Variants in PRKCE observed in about 807,000 individuals in gnomAD.
PRKCE encodes the protein protein kinase C epsilon.
PRKCE carries 16 observed loss-of-function variants against 85.4 expected under a neutral mutation model. That is an observed-to-expected ratio of 0.19 (90% CI 0.13 to 0.28). The LOEUF (loss-of-function observed/expected upper bound fraction) is 0.28. Among genes scored for constraint, PRKCE ranks in the 10% least tolerant of loss-of-function variants. The pLI, the probability that PRKCE is intolerant of heterozygous loss-of-function variation, is 1.00. For missense variants in PRKCE, 573 were observed against 975.2 expected (o/e 0.59, Z 5.49); for synonymous variants, 388 against 371.5 (o/e 1.04, Z -0.51).
At chr2:45,753,016 T>C (rs548655389) in intron 1 of PRKCE, among the ~76,000 whole-genome samples, 40 of 152,242 alleles carry the variant, frequency 2.6e-4, no homozygotes, top group Admixed American at 5.9e-4. Context: ...TCATGGAGAC[T>C]GTATTGTTTT....
chr2:46,025,858 C>A (rs1259987506), intron 10 of PRKCE, among the ~76,000 whole-genome samples: 1 of 152,040 alleles, frequency 6.6e-6, no homozygotes, highest in Non-Finnish European at 1.5e-5. Context: ...GTGTTGATCT[C>A]TGCTGCTTTA....
intron 13 of PRKCE, among the ~76,000 whole-genome samples, chr2:46,152,840 C>G (rs950761855): frequency 5.3e-5 from 8 of 152,218 alleles, no homozygotes; most frequent in Non-Finnish European, 1.0e-4. Flanking sequence ...AGCCACTACA[C>G]CCTACCTAAT....
intron 2 of PRKCE, among the ~76,000 whole-genome samples, chr2:45,849,404 C>T: frequency 6.6e-6 from 1 of 152,144 alleles, no homozygotes; most frequent in Non-Finnish European, 1.5e-5. Flanking sequence ...CCATAGCAAT[C>T]CTTCTGCCAT....
In PRKCE at chr2:45,742,985, C is replaced by T. The variant is rs539893931; in HGVS notation, c.348+90537C>T. Among the ~76,000 whole-genome samples, 68 of 152,208 alleles carry T rather than the reference C, an allele frequency of 4.5e-4. 1 individual carries two copies. The highest frequency in any genetic ancestry group is 1.5e-3 in the African/African-American group (63 of 41,536). ...CCATTTGCAACAACATGGCTGAACC[C>T]TGAGGATATTAGGCTAAATGAAATA... is the stretch of plus-strand genomic sequence containing the variant. On this transcript the variant is annotated intron_variant, in intron 1 of 14. Coordinates refer to ENST00000306156, the MANE Select transcript of PRKCE (RefSeq NM_005400.3).
chr2:46,111,757 C>T (rs1574497809), intron 11 of PRKCE, among the ~76,000 whole-genome samples: 1 of 152,180 alleles, frequency 6.6e-6, no homozygotes, highest in South Asian at 2.1e-4. Context: ...GTTGTTTCCA[C>T]CTGCTGCTGT....
chr2:45,934,728 C>T (rs182481731), intron 2 of PRKCE, among the ~76,000 whole-genome samples: 267 of 151,770 alleles, frequency 1.8e-3, no homozygotes, highest in Admixed American at 2.9e-3. Context: ...CATTACTTCA[C>T]AAGTATCTTT....
intron 2 of PRKCE, among the ~76,000 whole-genome samples, chr2:45,851,329 T>A (rs987204858): frequency 6.6e-6 from 1 of 152,246 alleles, no homozygotes; most frequent in Non-Finnish European, 1.5e-5. Context: ...CTATGGCTGT[T>A]AGGCACTTTC....
chr2:45,655,645 G>T (rs1341116193), intron 1 of PRKCE, among the ~76,000 whole-genome samples: 1 of 152,084 alleles, frequency 6.6e-6, no homozygotes, highest in Non-Finnish European at 1.5e-5. Flanking sequence ...AGGCAACGTA[G>T]TAAGACTCCA....
chr2:46,113,681 G>A (rs1054670378), intron 11 of PRKCE, among the ~76,000 whole-genome samples: 6 of 152,194 alleles, frequency 3.9e-5, no homozygotes, highest in Admixed American at 2.6e-4. Flanking sequence ...GTGGGAAGGG[G>A]GATGTGCTAC....
intron 2 of PRKCE, among the ~76,000 whole-genome samples, chr2:45,894,129 GTTCAA>G (rs1376034543): frequency 6.6e-6 from 1 of 152,122 alleles, no homozygotes; most frequent in Non-Finnish European, 1.5e-5. Flanking sequence ...CACATTAGGT[GTTCAA>G]TAGTGCATGT....
intron 2 of PRKCE, among the ~76,000 whole-genome samples, chr2:45,886,016 C>A (rs1175977511): frequency 6.6e-6 from 1 of 152,208 alleles, no homozygotes; most frequent in African/African-American, 2.4e-5. Context: ...CCACTGAACT[C>A]CCTGGTCAGT....
At chr2:45,848,537 C>T (rs930810988) in intron 2 of PRKCE, among the ~76,000 whole-genome samples, 4 of 152,124 alleles carry the variant, frequency 2.6e-5, no homozygotes, top group Non-Finnish European at 5.9e-5. Context: ...TCTCGAACTC[C>T]TGACTTCATG....
intron 1 of PRKCE, among the ~76,000 whole-genome samples, chr2:45,820,104 T>A (rs370826670): frequency 2.6e-5 from 4 of 152,236 alleles, no homozygotes; most frequent in East Asian, 3.9e-4. Context: ...AAGGGGCGAA[T>A]CCTCAATGGG....
Position 46,156,059 on chromosome 2 carries a change from G to GAA in PRKCE, c.1921-3533_1921-3532dup, listed in dbSNP as rs35235256. Among the ~76,000 whole-genome samples the GAA allele has an allele frequency of 8.1e-4, 112 of 138,600 alleles. 1 individual carries two copies. Among genetic ancestry groups the GAA allele is most frequent in the African/African-American group, 2.6e-3 (97 of 37,372 alleles). 90.9% of individuals were successfully genotyped at this position (138,600 alleles called of 152,430 possible). A position where few individuals can be genotyped will look rare whatever the true frequency, so the allele number is the denominator to read the frequency against. ...AAAATAATAAAATGTTTGTTACGTGGAAAAAAAAAAAAAAAGAATGCAAAT... is the reference window on the plus strand; with the variant it reads ...AAAATAATAAAATGTTTGTTACGTGGAAAAAAAAAAAAAAAAAGAATGCAAAT... On this transcript the variant is annotated intron_variant, in intron 13 of 14. Coordinates refer to ENST00000306156, the MANE Select transcript of PRKCE (RefSeq NM_005400.3).
At chr2:45,677,784 G>A (rs1194458786) in intron 1 of PRKCE, 3 of 928,094 alleles carry the variant, frequency 3.2e-6, no homozygotes, top group Non-Finnish European at 3.9e-6. Context: ...GGTGGGCTCT[G>A]GCTTAAAAGG....
intron 1 of PRKCE, among the ~76,000 whole-genome samples, chr2:45,787,354 C>CAGAG (rs57126648): frequency 6.6e-6 from 1 of 151,162 alleles, no homozygotes; most frequent in African/African-American, 2.4e-5. Context: ...GAGACAGAGA[C>CAGAG]AGAGAGAGAG....
At chr2:45,903,013 C>A (rs749955378) in intron 2 of PRKCE, among the ~76,000 whole-genome samples, 1 of 152,174 alleles carries the variant, frequency 6.6e-6, no homozygotes, top group Admixed American at 6.5e-5. Context: ...ATTTTCCCCC[C>A]AGGAGGATCC....
chr2:45,981,755 G>T (rs1291571859), intron 5 of PRKCE, among the ~76,000 whole-genome samples: 1 of 152,190 alleles, frequency 6.6e-6, no homozygotes, highest in African/African-American at 2.4e-5. Context: ...CATTTACTGG[G>T]TATGTCCTGT....
rs1452016585 is a variant in PRKCE, at chr2:46,155,210, TC to T, written c.1920+3982del. Among the ~76,000 whole-genome samples the T allele has an allele frequency of 6.6e-6, 1 of 152,156 alleles. No homozygotes were observed. The highest frequency in any genetic ancestry group is 1.5e-5 in the Non-Finnish European group (1 of 68,028). On this transcript the variant is annotated intron_variant, in intron 13 of 14. Transcript: ENST00000306156. This position sits in a 1 kb window ranked among gnomAD's most constrained non-coding sequence, Gnocchi z 4.7. ...AAATCCAGATTTTTATGTAAAAATCTCGAAACATTAAATGATTATAACTAGT... is the reference window on the plus strand; with the variant it reads ...AAATCCAGATTTTTATGTAAAAATCTGAAACATTAAATGATTATAACTAGT...
Sources: allele counts gnomAD v4.1 joint callset (sites outside exome capture counted in the v4.1 genomes callset), GRCh38; gene constraint gnomAD v4.1.1; non-coding constraint Gnocchi (gnomAD v3.1); transcripts MANE v1.5; gene names NCBI Gene and HGNC (gene_info 2026-07-23, HGNC 2026-07-21).